Variants in RBFOX3 observed in about 807,000 individuals in gnomAD.
RBFOX3 encodes RNA binding protein fox-1 homolog 3.
A neutral mutation model predicts 48.7 loss-of-function variants in RBFOX3; 17 were observed. That is an observed-to-expected ratio of 0.35 (90% CI 0.24 to 0.52). The LOEUF (loss-of-function observed/expected upper bound fraction) is 0.52, where lower values mean the gene tolerates loss of function less well. Ranked by LOEUF, RBFOX3 falls within the 20% of genes least tolerant of loss-of-function variation. The probability of loss-of-function intolerance (pLI) is 0.94; values close to 1 mark genes in which losing one functional copy is unlikely to be tolerated. For missense variants in RBFOX3, 382 were observed against 497.5 expected (o/e 0.77, Z 2.21); for synonymous variants, 212 against 209.5 (o/e 1.01, Z -0.10).
At chr17:79,293,458 T>C in intron 3 of RBFOX3, among the ~76,000 whole-genome samples, 1 of 97,230 alleles carries the variant, frequency 1.0e-5, no homozygotes, top group African/African-American at 4.7e-5. Context: ...CTTCCTTCCT[T>C]CCTTCCTTCC....
At chr17:79,190,438 A>AACT (rs2054285806) in intron 4 of RBFOX3, among the ~76,000 whole-genome samples, 1 of 151,620 alleles carries the variant, frequency 6.6e-6, no homozygotes, top group Non-Finnish European at 1.5e-5. Context: ...AAAACAAAAA[A>AACT]ACAGAGTGAA....
At chr17:79,383,935 G>A (rs765382769) in intron 2 of RBFOX3, among the ~76,000 whole-genome samples, 1 of 152,028 alleles carries the variant, frequency 6.6e-6, no homozygotes, top group Non-Finnish European at 1.5e-5. Flanking sequence ...AATGTCAGAG[G>A]GGGGGGCAAT....
chr17:79,634,546 T>G, the RBFOX3 span, among the ~76,000 whole-genome samples: 10 of 152,132 alleles, frequency 6.6e-5, no homozygotes, highest in African/African-American at 2.4e-4. Flanking sequence ...AATGGGGTTC[T>G]ATAGAGCACC....
intron 2 of RBFOX3, among the ~76,000 whole-genome samples, chr17:79,438,581 T>C (rs559217835): frequency 3.9e-5 from 6 of 152,326 alleles, no homozygotes; most frequent in African/African-American, 1.4e-4. Context: ...GGCTCCTTTC[T>C]CTGGGGTCAC....
At chr17:79,117,034 G>A (rs2034205799) in intron 4 of RBFOX3, among the ~76,000 whole-genome samples, 1 of 152,210 alleles carries the variant, frequency 6.6e-6, no homozygotes, top group Non-Finnish European at 1.5e-5. Context: ...GGAGGGCTGG[G>A]GTCTTTCACA....
chr17:79,441,240 G>A (rs8070220), intron 2 of RBFOX3, among the ~76,000 whole-genome samples: 87,425 of 152,116 alleles, frequency 0.57, 25,513 homozygotes, highest in East Asian at 0.77. Context: ...CCAGGCTCTA[G>A]GCCAGGGTCC....
intron 12 of RBFOX3, 65 bp from the exon 13 acceptor site, chr17:79,095,639 G>A: frequency 1.4e-6 from 2 of 1,404,308 alleles, no homozygotes; most frequent in South Asian, 1.2e-5. Context: ...GAAAGGCTGA[G>A]TGGGGAGAGG....
rs71161654 is a variant in RBFOX3 at position 79,234,721 on chromosome 17, C to CTTTTTTTTTTTTTTTTT, written c.-34+1028_-34+1044dup. ...TTGGGTTTATTGGGGGCATTAAGTG[C>CTTTTTTTTTTTTTTTTT]TTTTTTTTTTTTTTTTTTTTTTTTT... On this transcript the variant is annotated intron_variant, in intron 4 of 14. Transcript: ENST00000693108. 2 of 61,828 alleles carry CTTTTTTTTTTTTTTTTT rather than the reference C, an allele frequency of 3.2e-5. 1 individual carries two copies. Among genetic ancestry groups the CTTTTTTTTTTTTTTTTT allele is most frequent in the African/African-American group, 1.6e-4 (2 of 12,576 alleles). The allele number at this position is 61,828 out of a possible 1,614,324, so 3.8% of individuals were successfully genotyped here. A position where few individuals can be genotyped will look rare whatever the true frequency, so the allele number is the denominator to read the frequency against.
intron 1 of RBFOX3, among the ~76,000 whole-genome samples, chr17:79,577,873 T>C (rs1407001059): frequency 6.6e-6 from 1 of 152,208 alleles, no homozygotes; most frequent in Non-Finnish European, 1.5e-5. Context: ...AGCTCGGCAA[T>C]GCCAGGCTAG....
chr17:79,172,173 C>CAAAAAAAA (rs977301314), intron 4 of RBFOX3, among the ~76,000 whole-genome samples: 32 of 52,274 alleles, frequency 6.1e-4, no homozygotes, highest in Non-Finnish European at 8.7e-4. Context: ...GAGTCCGTCT[C>CAAAAAAAA]AAAAAAAAAA....
chr17:79,102,457 GCCCCAGCCCTC>G (rs1280796290), intron 8 of RBFOX3, among the ~76,000 whole-genome samples: 1 of 152,206 alleles, frequency 6.6e-6, no homozygotes, highest in African/African-American at 2.4e-5. Flanking sequence ...ATGGTGGCTG[GCCCCAGCCCTC>G]CTCCAGCCAC....
At chr17:79,138,919 C>T (rs144102971) in intron 4 of RBFOX3, among the ~76,000 whole-genome samples, 124 of 79,690 alleles carry the variant, frequency 1.6e-3, no homozygotes, top group South Asian at 0.013. Flanking sequence ...CACCCGCACA[C>T]GCACACAGCA....
intron 1 of RBFOX3, among the ~76,000 whole-genome samples, chr17:79,560,769 G>A (rs899191013): frequency 1.3e-5 from 2 of 152,200 alleles, no homozygotes; most frequent in African/African-American, 2.4e-5. Context: ...GCCAGCGCGA[G>A]AGCTGCAGCT....
chr17:79,402,323 A>G (rs916828389), intron 2 of RBFOX3, among the ~76,000 whole-genome samples: 1 of 152,188 alleles, frequency 6.6e-6, no homozygotes, highest in African/African-American at 2.4e-5. Context: ...TGGCTTAATT[A>G]TTTTTCTAAC....
intron 4 of RBFOX3, 54 bp downstream of exon 4, chr17:79,235,712 A>G (rs1310868849): frequency 6.5e-6 from 1 of 153,806 alleles, no homozygotes; most frequent in Non-Finnish European, 1.5e-5. Context: ...AAGATGTTCA[A>G]CATGCTCATA....
At chr17:79,341,286 G>T (rs1054139538) in intron 2 of RBFOX3, among the ~76,000 whole-genome samples, 4 of 152,178 alleles carry the variant, frequency 2.6e-5, no homozygotes, top group African/African-American at 9.7e-5. Context: ...AGAAATGTAG[G>T]CATGTGTTCA....
chr17:79,630,770 G>A, the RBFOX3 span, among the ~76,000 whole-genome samples: 3 of 152,176 alleles, frequency 2.0e-5, no homozygotes, highest in Admixed American at 1.3e-4. Context: ...GGCACCTAAC[G>A]TGTATTTTCT....
the RBFOX3 span, among the ~76,000 whole-genome samples, chr17:79,663,730 A>C: frequency 6.6e-6 from 1 of 151,344 alleles, no homozygotes; most frequent in African/African-American, 2.4e-5. Flanking sequence ...GTGCATGGAC[A>C]CAGTTCATAT....
At chr17:79,542,712 G>A (rs782712748) in intron 1 of RBFOX3, among the ~76,000 whole-genome samples, 5 of 152,186 alleles carry the variant, frequency 3.3e-5, no homozygotes, top group Non-Finnish European at 7.3e-5. Flanking sequence ...GAACCCAGGC[G>A]GCGGAGGCTG....
Sources: allele counts gnomAD v4.1 joint callset (sites outside exome capture counted in the v4.1 genomes callset), GRCh38; gene constraint gnomAD v4.1.1; transcripts MANE v1.5; gene names NCBI Gene and HGNC (gene_info 2026-07-23, HGNC 2026-07-21).